ASNSD1: variants seen among roughly 807,000 people sequenced by gnomAD.
ASNSD1 encodes the protein asparagine synthetase domain containing 1, also known as asparagine synthetase domain-containing protein 1.
In ASNSD1, 36 loss-of-function variants were observed where a neutral mutation model predicts 48.3. That is an observed-to-expected ratio of 0.75 (90% CI 0.57 to 0.99). ASNSD1 has a LOEUF of 0.99. Ranked by LOEUF, ASNSD1 falls within the 50% of genes least tolerant of loss-of-function variation. ASNSD1 has a pLI of 0.00. For synonymous variants in ASNSD1, 257 were observed against 262.1 expected, an observed-to-expected ratio of 0.98 and a Z score of 0.19; for missense variants, 714 against 758.2, an observed-to-expected ratio of 0.94 and a Z score of 0.69.
rs1553502412 is a variant in ASNSD1 at position 189,667,861 on chromosome 2, A to G, written c.1562A>G (p.Glu521Gly). 6.2e-7 allele frequency: 1 copy of G among 1,614,130 alleles called. No individual in the cohort carries two copies. Among genetic ancestry groups the G allele is most frequent in the Non-Finnish European group, 8.5e-7 (1 of 1,180,010 alleles). The change falls in exon 5 of 6, where the codon GAA becomes GGA. Residue 521 changes from glutamate (E) to glycine (G), a missense_variant. Physicochemically the swap from Glu to Gly is moderately conservative, Grantham distance 98 (BLOSUM62 -2). Coordinates refer to ENST00000260952, the MANE Select transcript of ASNSD1 (RefSeq NM_019048.4). ...CATGGGCTGGAAGGATTGAATAAGG[A>G]AATAATGATGGAACTGGGTCGAATT... is the stretch of plus-strand genomic sequence containing the variant. ...QSHGLEGLNKEIMMELGRISS... is the reference protein window; with the variant it reads ...QSHGLEGLNKGIMMELGRISS...
At chr2:189,664,046 T>C (rs1310507065) in intron 2 of ASNSD1, 92 bp downstream of exon 2, 7 of 349,146 alleles carry the variant, frequency 2.0e-5, no homozygotes. Context: ...TAAGATTTAA[T>C]CATACTTTAA....
At chr2:189,665,596 GTGTATATATATATATATATATATA>G (rs777867433) in intron 3 of ASNSD1, 145 bp downstream of exon 3, 5,064 of 111,596 alleles carry the variant, frequency 0.045, 325 homozygotes, top group Non-Finnish European at 0.059. Context: ...ATATATATAT[GTGTATATATATATATATATATATA>G]TATATATATA....
intron 3 of ASNSD1, among the ~76,000 whole-genome samples, 180 bp downstream of exon 3, chr2:189,665,631 TA>T (rs1559034496): frequency 2.1e-5 from 2 of 95,446 alleles, no homozygotes; most frequent in African/African-American, 7.4e-5. Context: ...TATATATATA[TA>T]TATATATATA....
Position 189,661,501 on chromosome 2 carries a change from G to C in ASNSD1, c.-332G>C, listed in dbSNP as rs536023125. ...CTCCTTCAGGGCTGAGCCATCCCGC[G>C]TGTCTTGCGCTCGGTGGAAATGCCC... On this transcript the variant is annotated 5_prime_UTR_variant, in exon 1 of 6. Transcript: ENST00000260952. 8.8e-5 allele frequency: 35 copies of C among 399,226 alleles called. No homozygotes were observed. In the East Asian group the frequency reaches 1.1e-3, roughly 13 times the overall value. The allele number at this position is 399,226 out of a possible 1,614,324, so 24.7% of individuals were successfully genotyped here.
At position 189,661,599 on chromosome 2, in the gene ASNSD1, C is replaced by CCTCCT; in HGVS notation, c.-234_-233insCTCCT. On this transcript the variant is annotated 5_prime_UTR_variant, in exon 1 of 6. The change creates a premature stop within an existing upstream ORF in the 5' untranslated region. Transcript: ENST00000260952. ...CAATTCGACCCCACACAAGGAGGATCTAAGCAGCAAGGTGAGTGTGAGACG... is the reference window on the plus strand; with the variant it reads ...CAATTCGACCCCACACAAGGAGGATCCTCCTTAAGCAGCAAGGTGAGTGTGAGACG... 2.5e-6 allele frequency: 1 copy of CCTCCT among 399,272 alleles called. No individual in the cohort carries two copies. Among genetic ancestry groups the CCTCCT allele is most frequent in the Non-Finnish European group, 4.4e-6 (1 of 226,340 alleles). 24.7% of individuals were successfully genotyped at this position (399,272 alleles called of 1,614,324 possible). A position where few individuals can be genotyped will look rare whatever the true frequency, so the allele number is the denominator to read the frequency against.
intron 1 of ASNSD1, among the ~76,000 whole-genome samples, 183 bp downstream of exon 1, chr2:189,661,793 G>A (rs1024770344): frequency 6.6e-6 from 1 of 152,200 alleles, no homozygotes; most frequent in African/African-American, 2.4e-5. Context: ...GAAAACAGTT[G>A]CGAAAAGGGA....
chr2:189,667,517 G>A lies in ASNSD1; in HGVS notation c.1385G>A (p.Cys462Tyr). Residue 462 changes from cysteine to tyrosine, a missense_variant, in exon 4 of 6, where the codon TGT (cysteine) becomes TAT (tyrosine). Coordinates refer to ENST00000260952, the MANE Select transcript of ASNSD1 (RefSeq NM_019048.4). The part of the protein sequence containing the change: ...LDTVLDDSIG[C>Y]AVWFASRGIG... Reference sequence around the variant, plus strand: ...ACAGTTTTGGATGATAGCATTGGCTGTGCAGTCTGGTTTGCTTCTAGAGGA... The same window carrying A: ...ACAGTTTTGGATGATAGCATTGGCTATGCAGTCTGGTTTGCTTCTAGAGGA... 1 of 1,614,154 alleles carries A rather than the reference G, an allele frequency of 6.2e-7. No homozygotes were observed. Among genetic ancestry groups the A allele is most frequent in the Non-Finnish European group, 8.5e-7 (1 of 1,180,016 alleles).
rs745896187 is a variant in ASNSD1, at chr2:189,666,655, G to A, written c.523G>A (p.Ala175Thr). The A allele has an allele frequency of 1.9e-6, 3 of 1,614,084 alleles. No homozygotes were observed. Among genetic ancestry groups the A allele is most frequent in the Non-Finnish European group, 2.5e-6 (3 of 1,179,982 alleles). The change falls in exon 4 of 6, where the codon GCA (alanine) becomes ACA (threonine). Residue 175 changes from alanine (A) to threonine (T), a missense_variant. By Grantham distance (58) the Ala-to-Thr change is moderately conservative (BLOSUM62 0). Transcript: ENST00000260952. ...GGCAAATCAGTGGCAAGAAGTTCCA[G>A]CATCTGGACTTTTCAGAATTGATCT... ...GLANQWQEVP[A>T]SGLFRIDLKS...
rs527365384 is a variant in ASNSD1 at position 189,667,811 on chromosome 2, T to C, written c.1512T>C (p.Ser504=). Residue 504 remains serine (S), a synonymous_variant, in exon 5 of 6, where the codon TCT becomes TCC. Transcript: ENST00000260952. The stretch of plus-strand genomic sequence containing the variant: ...CAGATGAGCAACTTGCAGGTTATTC[T>C]CGTCATCGTGTCCGCTTTCAGTCGC... ...IGADEQLAGY[S]RHRVRFQSHG... is the part of the protein sequence containing the mutation. 5.6e-6 allele frequency: 9 copies of C among 1,614,086 alleles called. No individual in the cohort carries two copies. In the South Asian group the frequency reaches 7.7e-5, roughly 14 times the overall value.
Position 189,665,404 on chromosome 2 carries a change from A to G in ASNSD1, c.-140A>G. 3 of 397,778 alleles carry G rather than the reference A, an allele frequency of 7.5e-6. No individual in the cohort carries two copies. Among genetic ancestry groups the G allele is most frequent in the East Asian group, 3.6e-5 (1 of 27,958 alleles). 24.6% of individuals were successfully genotyped at this position (397,778 alleles called of 1,614,324 possible). ...GTATATAGGCAACAACAGAACAGCA[A>G]TATATTCTTTCTTGCAGACCGAACA... On this transcript the variant is annotated 5_prime_UTR_variant, in exon 3 of 6. Coordinates refer to ENST00000260952, the MANE Select transcript of ASNSD1 (RefSeq NM_019048.4).
Position 189,661,533 on chromosome 2 carries a change from G to T in ASNSD1, c.-300G>T. The T allele has an allele frequency of 2.5e-6, 1 of 399,266 alleles. No homozygotes were observed. The highest frequency in any genetic ancestry group is 4.4e-6 in the Non-Finnish European group (1 of 226,246). The allele number at this position is 399,266 out of a possible 1,614,324, so 24.7% of individuals were successfully genotyped here. ...GCGCTCGGTGGAAATGCCCAGCCGA[G>T]GGACGCGACCAGAGGACAGCTCTGT... On this transcript the variant is annotated 5_prime_UTR_variant, in exon 1 of 6. The change creates a new upstream start codon in the 5' untranslated region. Transcript: ENST00000260952.
At position 189,661,600 on chromosome 2, in the gene ASNSD1, T is replaced by C; in HGVS notation, c.-233T>C. Reference sequence around the variant, plus strand: ...AATTCGACCCCACACAAGGAGGATCTAAGCAGCAAGGTGAGTGTGAGACGC... The same window carrying C: ...AATTCGACCCCACACAAGGAGGATCCAAGCAGCAAGGTGAGTGTGAGACGC... On this transcript the variant is annotated 5_prime_UTR_variant, in exon 1 of 6. Coordinates refer to ENST00000260952, the MANE Select transcript of ASNSD1 (RefSeq NM_019048.4). 2.5e-6 allele frequency: 1 copy of C among 399,348 alleles called. No individual in the cohort carries two copies. The highest frequency in any genetic ancestry group is 1.3e-4 in the South Asian group (1 of 7,852). The allele number at this position is 399,348 out of a possible 1,614,324, so 24.7% of individuals were successfully genotyped here. A position where few individuals can be genotyped will look rare whatever the true frequency, so the allele number is the denominator to read the frequency against.
Position 189,670,578 on chromosome 2 carries a change from C to T in ASNSD1, c.1784C>T (p.Ala595Val). Reference sequence around the variant, plus strand: ...GCAGCTGTGGAACTTGGTCTTACAGCCTCTGCTCTTCTGCCCAAACGGGCC... The same window carrying T: ...GCAGCTGTGGAACTTGGTCTTACAGTCTCTGCTCTTCTGCCCAAACGGGCC... ...RLAAVELGLT[A>V]SALLPKRAMQ... The change falls in exon 6 of 6, where the codon GCC becomes GTC. Residue 595 changes from alanine (A) to valine (V), a missense_variant. Coordinates refer to ENST00000260952, the MANE Select transcript of ASNSD1 (RefSeq NM_019048.4). The T allele has an allele frequency of 6.2e-7, 1 of 1,614,070 alleles. No individual in the cohort carries two copies. The highest frequency in any genetic ancestry group is 8.5e-7 in the Non-Finnish European group (1 of 1,179,964).
chr2:189,666,249 A>T lies in ASNSD1; in HGVS notation c.117A>T (p.Leu39Phe). 6.2e-7 allele frequency: 1 copy of T among 1,614,150 alleles called. No homozygotes were observed. The highest frequency in any genetic ancestry group is 8.5e-7 in the Non-Finnish European group (1 of 1,179,992). The change falls in exon 4 of 6, where the codon TTA becomes TTT. Residue 39 changes from leucine to phenylalanine, a missense_variant. Coordinates refer to ENST00000260952, the MANE Select transcript of ASNSD1 (RefSeq NM_019048.4). ...QRGPNSSKQLLKSDVNYQCLF... is the reference protein window; with the variant it reads ...QRGPNSSKQLFKSDVNYQCLF... ...GACCCAATAGTAGTAAACAATTGTT[A>T]AAGTCTGATGTTAACTACCAGTGTT...
rs770559347 is a variant in ASNSD1, at chr2:189,667,923, G to A, written c.1624G>A (p.Gly542Ser). Residue 542 changes from glycine (G) to serine (S), a missense_variant, in exon 5 of 6, where the codon GGT becomes AGT. Transcript: ENST00000260952. ...TCTTGGTCGTGATGACAGAGTTATT[G>A]GTGATCATGGAAAAGAAGCAAGGTA... The part of the protein sequence containing the change: ...RNLGRDDRVI[G>S]DHGKEARFPF... 1.2e-6 allele frequency: 2 copies of A among 1,609,852 alleles called. No homozygotes were observed. Among genetic ancestry groups the A allele is most frequent in the South Asian group, 2.2e-5 (2 of 89,958 alleles).
chr2:189,663,610 C>T (rs1475614997), intron 1 of ASNSD1, among the ~76,000 whole-genome samples: 2 of 152,186 alleles, frequency 1.3e-5, no homozygotes, highest in African/African-American at 2.4e-5. Flanking sequence ...AACTGTAGTC[C>T]TTGGCATGAT....
In ASNSD1 at chr2:189,666,125, A is replaced by G; in HGVS notation, c.-8A>G. 1 of 1,530,162 alleles carries G rather than the reference A, an allele frequency of 6.5e-7. No individual in the cohort carries two copies. Among genetic ancestry groups the G allele is most frequent in the African/African-American group, 1.4e-5 (1 of 72,228 alleles). The allele number at this position is 1,530,162 out of a possible 1,614,324, so 94.8% of individuals were successfully genotyped here. ...ATCAAGAAATAGTCAACCTGATTTC[A>G]CATAACAATGTGTGGCATTTGTTGT... On this transcript the variant is annotated 5_prime_UTR_variant, in exon 4 of 6. Transcript: ENST00000260952.
In ASNSD1 at chr2:189,661,498, C is replaced by G. The variant is rs1132360; in HGVS notation, c.-335C>G. ...AGGCTCCTTCAGGGCTGAGCCATCC[C>G]GCGTGTCTTGCGCTCGGTGGAAATG... On this transcript the variant is annotated 5_prime_UTR_variant, in exon 1 of 6. Coordinates refer to ENST00000260952, the MANE Select transcript of ASNSD1 (RefSeq NM_019048.4). The G allele has an allele frequency of 2.5e-6, 1 of 398,986 alleles. No homozygotes were observed. Among genetic ancestry groups the G allele is most frequent in the Non-Finnish European group, 4.4e-6 (1 of 226,200 alleles). 24.7% of individuals were successfully genotyped at this position (398,986 alleles called of 1,614,324 possible).
rs754653621 is a variant in ASNSD1, at chr2:189,666,480, A to G, written c.348A>G (p.Gln116=). The part of the protein sequence containing the change: ...SEILSLFSEV[Q]GPWSFIYYQA... ...TTTTGTCACTCTTCTCAGAAGTACA[A>G]GGTCCCTGGTCATTTATATATTATC... The change falls in exon 4 of 6, where the codon CAA becomes CAG. Residue 116 remains glutamine (Q), a synonymous_variant. Transcript: ENST00000260952. 5 of 1,613,680 alleles carry G rather than the reference A, an allele frequency of 3.1e-6. No homozygotes were observed. Among genetic ancestry groups the G allele is most frequent in the African/African-American group, 1.3e-5 (1 of 74,904 alleles).
Sources: allele counts gnomAD v4.1 joint callset (sites outside exome capture counted in the v4.1 genomes callset), GRCh38; gene constraint gnomAD v4.1.1; transcripts MANE v1.5; gene names NCBI Gene and HGNC (gene_info 2026-07-23, HGNC 2026-07-21).